PRKG1: variants seen among roughly 807,000 people sequenced by gnomAD.
The protein encoded by PRKG1 is protein kinase cGMP-dependent 1, also known as cGMP-dependent protein kinase 1.
In PRKG1, 35 loss-of-function variants were observed where a neutral mutation model predicts 88.1. The observed-to-expected ratio is 0.40, with a 90% CI of 0.30 to 0.53. PRKG1 has a LOEUF of 0.53. Ranked by LOEUF, PRKG1 falls within the 20% of genes least tolerant of loss-of-function variation. The probability of loss-of-function intolerance (pLI) is 0.59; values close to 1 mark genes in which losing one functional copy is unlikely to be tolerated. For synonymous variants in PRKG1, 303 were observed against 292.5 expected, an observed-to-expected ratio of 1.04 and a Z score of -0.37; for missense variants, 540 against 839.8, an observed-to-expected ratio of 0.64 and a Z score of 4.41.
intron 3 of PRKG1, among the ~76,000 whole-genome samples, chr10:51,561,162 A>G (rs1837450014): frequency 6.6e-6 from 1 of 151,940 alleles, no homozygotes; most frequent in Non-Finnish European, 1.5e-5. Flanking sequence ...TATGGTGGAT[A>G]CAGTCTATCT....
At chr10:51,348,272 TG>T (rs1414115173) in intron 2 of PRKG1, among the ~76,000 whole-genome samples, 1 of 152,194 alleles carries the variant, frequency 6.6e-6, no homozygotes, top group African/African-American at 2.4e-5. Context: ...AACCGATATG[TG>T]CAATCATCCT....
intron 2 of PRKG1, among the ~76,000 whole-genome samples, chr10:51,163,887 G>C (rs1315940758): frequency 6.6e-6 from 1 of 152,240 alleles, no homozygotes; most frequent in Non-Finnish European, 1.5e-5. Context: ...AAACAAAGCA[G>C]CTGGGAAGCT....
intron 8 of PRKG1, among the ~76,000 whole-genome samples, chr10:52,150,296 A>G (rs1837876831): frequency 6.6e-6 from 1 of 152,012 alleles, no homozygotes; most frequent in South Asian, 2.1e-4. Context: ...TTGGGGAGAT[A>G]AATATGGTGC....
At chr10:51,684,540 T>C (rs1411294058) in intron 3 of PRKG1, among the ~76,000 whole-genome samples, 2 of 152,142 alleles carry the variant, frequency 1.3e-5, no homozygotes, top group Non-Finnish European at 2.9e-5. Flanking sequence ...ACAGGATTGT[T>C]TAAATTAGAT....
chr10:52,062,635 A>G lies in PRKG1; in HGVS notation c.935+4A>G. 1 of 1,583,952 alleles carries G rather than the reference A, an allele frequency of 6.3e-7. No individual in the cohort carries two copies. Among genetic ancestry groups the G allele is most frequent in the South Asian group, 1.1e-5 (1 of 88,086 alleles). On this transcript the variant is annotated splice_donor_region_variant and intron_variant, in intron 7 of 17. Transcript: ENST00000373980. ...TTGGAGAGAAAGCCTTGCAGGGGTA[A>G]GTAGATCATGTGTTATACAGGTTTT...
chr10:51,223,161 C>T (rs889275602), intron 2 of PRKG1, among the ~76,000 whole-genome samples: 7 of 151,998 alleles, frequency 4.6e-5, no homozygotes, highest in African/African-American at 1.7e-4. Flanking sequence ...AAGTTTGTAC[C>T]CATTGATCTA....
intron 3 of PRKG1, among the ~76,000 whole-genome samples, chr10:51,673,634 G>T (rs1840637870): frequency 1.3e-5 from 2 of 152,208 alleles, no homozygotes; most frequent in South Asian, 4.2e-4. Context: ...CTCATCTTGT[G>T]ACCCCACTGT....
chr10:51,238,674 T>G (rs958782497), intron 2 of PRKG1, among the ~76,000 whole-genome samples: 3 of 151,366 alleles, frequency 2.0e-5, no homozygotes, highest in Non-Finnish European at 4.4e-5. Flanking sequence ...GGCAGGAGAA[T>G]CTCTTAAACC....
chr10:51,475,170 T>A (rs1180004604), intron 3 of PRKG1, among the ~76,000 whole-genome samples: 1 of 151,972 alleles, frequency 6.6e-6, no homozygotes, highest in East Asian at 1.9e-4. Context: ...TCCCTACCTC[T>A]ATGTGTGGAC....
chr10:51,678,014 A>G (rs149929068), intron 3 of PRKG1, among the ~76,000 whole-genome samples: 1 of 152,340 alleles, frequency 6.6e-6, no homozygotes, highest in East Asian at 1.9e-4. Flanking sequence ...AGAAAAAAAG[A>G]GAATTAAAGA....
intron 9 of PRKG1, among the ~76,000 whole-genome samples, chr10:52,173,595 CTGG>C (rs1476036891): frequency 6.6e-6 from 1 of 152,134 alleles, no homozygotes; most frequent in Non-Finnish European, 1.5e-5. Context: ...TGAAGCATGA[CTGG>C]TGCTCAGAGA....
intron 2 of PRKG1, among the ~76,000 whole-genome samples, chr10:51,193,887 G>A (rs893717174): frequency 1.3e-5 from 2 of 152,114 alleles, no homozygotes; most frequent in Admixed American, 1.3e-4. Context: ...AGATGCGAAG[G>A]AGGACATAAA....
intron 1 of PRKG1, among the ~76,000 whole-genome samples, chr10:51,016,673 C>CTTCTTTCTTTTTTTTATTTTTTTTTTTTT (rs1564571435): frequency 2.8e-5 from 1 of 35,184 alleles, no homozygotes; most frequent in African/African-American, 1.4e-4. Context: ...ATTATCCTTT[C>CTTCTTTCTTTTTTTTATTTTTTTTTTTTT]TTTTTTTTTT....
intron 3 of PRKG1, among the ~76,000 whole-genome samples, chr10:51,539,683 T>C (rs1449222464): frequency 2.0e-5 from 3 of 152,134 alleles, no homozygotes; most frequent in East Asian, 3.9e-4. Context: ...AATATATTGA[T>C]GGTGAGAAGA....
At chr10:51,689,164 TG>T (rs1841070954) in intron 3 of PRKG1, among the ~76,000 whole-genome samples, 1 of 152,150 alleles carries the variant, frequency 6.6e-6, no homozygotes, top group African/African-American at 2.4e-5. Context: ...TTTCTGAGTC[TG>T]GGGTATGTAT....
At chr10:52,208,176 T>C (rs920497297) in intron 9 of PRKG1, among the ~76,000 whole-genome samples, 1 of 152,232 alleles carries the variant, frequency 6.6e-6, no homozygotes, top group African/African-American at 2.4e-5. Context: ...GATCTTGTTA[T>C]AGCTTTGCTT....
chr10:52,110,841 A>G (rs1589615218), intron 7 of PRKG1, among the ~76,000 whole-genome samples: 1 of 152,296 alleles, frequency 6.6e-6, no homozygotes, highest in Non-Finnish European at 1.5e-5. Flanking sequence ...GCAGAACTGC[A>G]TGTTCCAGGG....
At chr10:51,669,937 T>C (rs955936967) in intron 3 of PRKG1, among the ~76,000 whole-genome samples, 7 of 152,188 alleles carry the variant, frequency 4.6e-5, no homozygotes, top group African/African-American at 1.7e-4. Context: ...TTTTCCTTAC[T>C]TGATCTATCA....
chr10:51,444,318 T>G (rs1190156496), intron 2 of PRKG1, among the ~76,000 whole-genome samples: 1 of 151,642 alleles, frequency 6.6e-6, no homozygotes, highest in African/African-American at 2.4e-5. Context: ...AGTGTTTGTG[T>G]GTTGGAGGTG....
Sources: allele counts gnomAD v4.1 joint callset (sites outside exome capture counted in the v4.1 genomes callset), GRCh38; gene constraint gnomAD v4.1.1; transcripts MANE v1.5; gene names NCBI Gene and HGNC (gene_info 2026-07-23, HGNC 2026-07-21).